The following PLCG2 variants were observed in gnomAD, a reference collection of about 807,000 sequenced individuals.
PLCG2 encodes the protein 1-phosphatidylinositol 4,5-bisphosphate phosphodiesterase gamma-2.
PLCG2 carries 69 observed loss-of-function variants against 175.6 expected under a neutral mutation model. The observed-to-expected ratio is 0.39, with a 90% CI of 0.32 to 0.48. PLCG2 has a LOEUF of 0.48. Among genes scored for constraint, PLCG2 ranks in the 20% least tolerant of loss-of-function variants. The probability of loss-of-function intolerance (pLI) is 0.91; values close to 1 mark genes in which losing one functional copy is unlikely to be tolerated. For missense variants in PLCG2, 1,798 were observed against 1,650.9 expected, an observed-to-expected ratio of 1.09 and a Z score of -1.54; for synonymous variants, 827 against 624.0, an observed-to-expected ratio of 1.33 and a Z score of -4.85.
intron 7 of PLCG2, among the ~76,000 whole-genome samples, chr16:81,879,955 A>T (rs901992873): frequency 3.9e-5 from 6 of 152,222 alleles, no homozygotes; most frequent in African/African-American, 1.2e-4. Flanking sequence ...TGCATCTTTG[A>T]AATACTAAAG....
At chr16:81,829,355 C>A (rs566919442) in intron 2 of PLCG2, among the ~76,000 whole-genome samples, 1 of 152,250 alleles carries the variant, frequency 6.6e-6, no homozygotes, top group South Asian at 2.1e-4. Flanking sequence ...GTGATCTGCC[C>A]GCCTCGGCCT....
intron 15 of PLCG2, among the ~76,000 whole-genome samples, chr16:81,907,047 A>C (rs1167617038): frequency 6.6e-6 from 1 of 151,958 alleles, no homozygotes; most frequent in Admixed American, 6.6e-5. Context: ...AAAAAAAAAA[A>C]AAAAAAAACA....
chr16:81,833,794 T>G (rs777036301), intron 2 of PLCG2, among the ~76,000 whole-genome samples: 2 of 152,114 alleles, frequency 1.3e-5, no homozygotes, highest in Non-Finnish European at 2.9e-5. Context: ...GCTGTCCTCC[T>G]GCCTTGGCCT....
At chr16:81,785,828 C>G in intron 1 of PLCG2, 115 bp from the exon 2 acceptor site, 1 of 654,292 alleles carries the variant, frequency 1.5e-6, no homozygotes, top group Non-Finnish European at 2.7e-6. Flanking sequence ...GAACCTTCTC[C>G]TAAAACTCAT....
chr16:81,876,485 C>T (rs1421871746), intron 7 of PLCG2, among the ~76,000 whole-genome samples: 2 of 152,164 alleles, frequency 1.3e-5, no homozygotes, highest in African/African-American at 4.8e-5. Flanking sequence ...TCTTAGTGCC[C>T]TGGCCCCTGC....
intron 2 of PLCG2, among the ~76,000 whole-genome samples, chr16:81,820,359 C>G (rs756247949): frequency 2.6e-5 from 4 of 152,216 alleles, no homozygotes; most frequent in Non-Finnish European, 4.4e-5. Flanking sequence ...CCACCCCAAC[C>G]TACTTTGAGT....
intron 12 of PLCG2, 67 bp from the exon 13 acceptor site, chr16:81,895,740 C>A (rs908438096): frequency 1.3e-5 from 21 of 1,588,806 alleles, no homozygotes; most frequent in Non-Finnish European, 1.7e-5. Context: ...GTGTGTGGGC[C>A]GGGGGCTGAC....
chr16:81,916,412 T>C (rs1370672118), intron 19 of PLCG2, among the ~76,000 whole-genome samples: 1 of 152,190 alleles, frequency 6.6e-6, no homozygotes, highest in Non-Finnish European at 1.5e-5. Flanking sequence ...GCAAAATTGT[T>C]AAATGAGCAG....
At chr16:81,859,805 G>A (rs1156729217) in intron 5 of PLCG2, among the ~76,000 whole-genome samples, 1 of 152,128 alleles carries the variant, frequency 6.6e-6, no homozygotes, top group Admixed American at 6.5e-5. Flanking sequence ...CAAAGTCCTG[G>A]GATTACAGGC....
In PLCG2 at chr16:81,956,774, A is replaced by G. The variant is rs373013824; in HGVS notation, c.3650A>G (p.Tyr1217Cys). The part of the protein sequence containing the change: ...QEELNNQLFL[Y>C]DTHQNLRNAN... Reference sequence around the variant, plus strand: ...GAACTGAACAACCAGCTCTTTCTGTATGACACACACCAGAACTTGCGCAAT... The same window carrying G: ...GAACTGAACAACCAGCTCTTTCTGTGTGACACACACCAGAACTTGCGCAAT... Residue 1217 changes from tyrosine to cysteine, a missense_variant, in exon 32 of 33, where the codon TAT becomes TGT. Physicochemically the swap from Tyr to Cys is radical, Grantham distance 194. Transcript: ENST00000564138. 2.2e-5 allele frequency: 36 copies of G among 1,614,062 alleles called. No homozygotes were observed. The highest frequency in any genetic ancestry group is 2.6e-5 in the Non-Finnish European group (31 of 1,180,016).
At chr16:81,770,825 G>A (rs865797732) in intron 2 of PLCG2, among the ~76,000 whole-genome samples, 3 of 152,158 alleles carry the variant, frequency 2.0e-5, no homozygotes, top group Admixed American at 1.3e-4. Context: ...TTGCGGGGCC[G>A]AGGCGGGCGG....
chr16:81,773,490 T>C (rs940358855), intron 2 of PLCG2, among the ~76,000 whole-genome samples: 1 of 152,152 alleles, frequency 6.6e-6, no homozygotes, highest in African/African-American at 2.4e-5. Flanking sequence ...AGAGCTGGGA[T>C]TCACACTGAG....
At position 81,905,404 on chromosome 16, in the gene PLCG2, A is replaced by G; in HGVS notation, c.1364A>G (p.His455Arg). Residue 455 changes from histidine to arginine, a missense_variant and splice_region_variant, in exon 15 of 33, where the codon CAT becomes CGT. His to Arg is a conservative substitution (Grantham distance 29, BLOSUM62 0). Transcript: ENST00000564138. Reference protein sequence around the residue: ...SQLREKIIIKHKKLGPRGDVD... With the variant: ...SQLREKIIIKRKKLGPRGDVD... Reference sequence around the variant, plus strand: ...CCTATGTATATGTTTTCCCCTCAGCATAAGAAGCTGGGCCCCCGAGGCGAT... The same window carrying G: ...CCTATGTATATGTTTTCCCCTCAGCGTAAGAAGCTGGGCCCCCGAGGCGAT... 1 of 1,612,502 alleles carries G rather than the reference A, an allele frequency of 6.2e-7. No homozygotes were observed. Among genetic ancestry groups the G allele is most frequent in the Admixed American group, 1.7e-5 (1 of 60,002 alleles).
At chr16:81,886,236 G>A (rs894142527) in intron 9 of PLCG2, among the ~76,000 whole-genome samples, 4 of 152,196 alleles carry the variant, frequency 2.6e-5, no homozygotes, top group African/African-American at 9.7e-5. Context: ...GGGGCCCTTT[G>A]CTGGGCTGCC....
At chr16:81,751,635 A>G (rs1443199432) in intron 1 of PLCG2, among the ~76,000 whole-genome samples, 2 of 152,198 alleles carry the variant, frequency 1.3e-5, no homozygotes, top group Non-Finnish European at 2.9e-5. Context: ...CTCATCACAA[A>G]AAAGTTAAGT....
chr16:81,852,425 C>T (rs1906464034), intron 2 of PLCG2, among the ~76,000 whole-genome samples: 1 of 152,016 alleles, frequency 6.6e-6, no homozygotes, highest in Non-Finnish European at 1.5e-5. Flanking sequence ...GGGTGCATCC[C>T]ATGAAAAGAT....
intron 2 of PLCG2, among the ~76,000 whole-genome samples, chr16:81,832,310 A>C (rs1314771652): frequency 6.6e-6 from 1 of 152,228 alleles, no homozygotes; most frequent in Non-Finnish European, 1.5e-5. Context: ...TTTTAGGAAT[A>C]ATCCTCAGAT....
chr16:81,933,665 G>A (rs893789937), intron 25 of PLCG2, among the ~76,000 whole-genome samples: 7 of 151,930 alleles, frequency 4.6e-5, no homozygotes, highest in Non-Finnish European at 2.9e-5. Context: ...GTCAGGGTGT[G>A]GATTGACTTA....
chr16:81,746,520 C>A (rs900260515), intron 1 of PLCG2, among the ~76,000 whole-genome samples: 3 of 152,198 alleles, frequency 2.0e-5, no homozygotes, highest in Admixed American at 1.3e-4. Flanking sequence ...GCGGGGCTCT[C>A]ACCCCAGCGC....
Sources: allele counts gnomAD v4.1 joint callset (sites outside exome capture counted in the v4.1 genomes callset), GRCh38; gene constraint gnomAD v4.1.1; transcripts MANE v1.5; gene names NCBI Gene and HGNC (gene_info 2026-07-23, HGNC 2026-07-21).